Variants in SPDYE5 observed in about 807,000 individuals in gnomAD.
The protein encoded by SPDYE5 is speedy/RINGO cell cycle regulator family member E5.
A neutral mutation model predicts 48.5 loss-of-function variants in SPDYE5; 15 were observed. The ratio of observed to expected loss-of-function variants is 0.31; its 90% CI spans 0.21 to 0.48. The LOEUF (loss-of-function observed/expected upper bound fraction) is 0.48, where lower values mean the gene tolerates loss of function less well. SPDYE5 is among the 20% of genes least tolerant of loss of function. The pLI, the probability that SPDYE5 is intolerant of heterozygous loss-of-function variation, is 0.99. For synonymous variants in SPDYE5, 116 were observed against 200.7 expected (o/e 0.58, Z 3.57); for missense variants, 331 against 549.1 (o/e 0.60, Z 3.97).
Position 75,501,354 on chromosome 7 carries a change from G to A in SPDYE5, c.756-8G>A, listed in dbSNP as rs782454137. 3.3e-5 allele frequency: 54 copies of A among 1,612,004 alleles called. No individual in the cohort carries two copies. Among genetic ancestry groups the A allele is most frequent in the Middle Eastern group, 2.2e-4 (1 of 4,544 alleles). On this transcript the variant is annotated splice_polypyrimidine_tract_variant and splice_region_variant and intron_variant, in intron 6 of 8. Transcript: ENST00000625065. Reference sequence around the variant, plus strand: ...GCCCCTGAGCAGCAACCTGATTTCTGTCCTCAGCTACCTGGCCAATGACAT... The same window carrying A: ...GCCCCTGAGCAGCAACCTGATTTCTATCCTCAGCTACCTGGCCAATGACAT...
intron 1 of SPDYE5, among the ~76,000 whole-genome samples, 155 bp downstream of exon 1, chr7:75,492,596 C>T (rs587652862): frequency 9.0e-4 from 136 of 151,940 alleles, no homozygotes; most frequent in African/African-American, 3.1e-3. Flanking sequence ...CACCACCATG[C>T]CTGGCTAATT....
Position 75,503,272 on chromosome 7 carries a change from C to G in SPDYE5, c.*485C>G, listed in dbSNP as rs4092145. ...ACAGATTGTAACAGATAGCTTCATG[C>G]ACACTCTGCATTTTATTGGTTTGTT... On this transcript the variant is annotated 3_prime_UTR_variant, in exon 9 of 9. Coordinates refer to ENST00000625065, the MANE Select transcript of SPDYE5 (RefSeq NM_001306141.4). The G allele has an allele frequency of 2.2e-3, 585 of 263,704 alleles. 2 individuals carry two copies. The highest frequency in any genetic ancestry group is 0.013 in the African/African-American group (551 of 43,030). 16.3% of individuals were successfully genotyped at this position (263,704 alleles called of 1,614,324 possible).
intron 6 of SPDYE5, among the ~76,000 whole-genome samples, chr7:75,499,598 C>T (rs587657470): frequency 1.3e-5 from 2 of 152,078 alleles, no homozygotes; most frequent in South Asian, 2.1e-4. Context: ...CAAACCCCGT[C>T]TCTACGAAAA....
rs1445759298 is a variant in SPDYE5, at chr7:75,493,837, A to G, written c.-211A>G. The G allele has an allele frequency of 6.9e-7, 1 of 1,439,562 alleles. No homozygotes were observed. Among genetic ancestry groups the G allele is most frequent in the African/African-American group, 1.4e-5 (1 of 69,606 alleles). 89.2% of individuals were successfully genotyped at this position (1,439,562 alleles called of 1,614,324 possible). A position where few individuals can be genotyped will look rare whatever the true frequency, so the allele number is the denominator to read the frequency against. ...GACAAGAGATCAGCCTGGCAGTTAC[A>G]TGTGTTTTTTTTCAAACTGGTTGCC... On this transcript the variant is annotated 5_prime_UTR_variant, in exon 2 of 9. It removes an upstream start codon present in the reference 5' UTR. Coordinates refer to ENST00000625065, the MANE Select transcript of SPDYE5 (RefSeq NM_001306141.4).
In SPDYE5 at chr7:75,501,442, C is replaced by G. The variant is rs1437193135; in HGVS notation, c.836C>G (p.Ser279Cys). Residue 279 changes from serine to cysteine, a missense_variant, in exon 7 of 9, where the codon TCT becomes TGT. Around this residue, in one of 8 missense-constraint regions of SPDYE5, gnomAD observed 70 missense variants for 87.6 expected, o/e 0.80. Coordinates refer to ENST00000625065, the MANE Select transcript of SPDYE5 (RefSeq NM_001306141.4). ...CACTTCCTGTATGGGAAGAACCGCT[C>G]TCGCATACCCTTGCTCCGTAAGCGT... The part of the protein sequence containing the change: ...IFHFLYGKNR[S>C]RIPLLRKRWF... 1 of 1,610,750 alleles carries G rather than the reference C, an allele frequency of 6.2e-7. No individual in the cohort carries two copies. The highest frequency in any genetic ancestry group is 1.3e-5 in the African/African-American group (1 of 74,732).
chr7:75,501,720 G>A lies in SPDYE5; in HGVS notation c.1114G>A (p.Gly372Ser), dbSNP rs782030708. ...RRFQFFCSMS[G>S]RAWVSPEELE... Reference sequence around the variant, plus strand: ...GTTCCAGTTCTTCTGTTCCATGAGCGGCAGGGCTTGGGTTTCCCCGGAGGA... The same window carrying A: ...GTTCCAGTTCTTCTGTTCCATGAGCAGCAGGGCTTGGGTTTCCCCGGAGGA... Residue 372 changes from glycine (G) to serine (S), a missense_variant, in exon 7 of 9, where the codon GGC becomes AGC. Physicochemically the swap from Gly to Ser is moderately conservative, Grantham distance 56. Transcript: ENST00000625065. The A allele has an allele frequency of 6.1e-5, 99 of 1,613,114 alleles. No individual in the cohort carries two copies. The highest frequency in any genetic ancestry group is 1.0e-4 in the Admixed American group (6 of 60,008).
intron 3 of SPDYE5, among the ~76,000 whole-genome samples, chr7:75,495,602 G>T (rs1194484281): frequency 2.0e-5 from 3 of 152,256 alleles, no homozygotes; most frequent in East Asian, 1.9e-4. Flanking sequence ...TTTCGGGCCA[G>T]GTGCAGTGGC....
chr7:75,495,535 C>T (rs1182479609), intron 3 of SPDYE5, among the ~76,000 whole-genome samples, 161 bp downstream of exon 3: 6 of 152,330 alleles, frequency 3.9e-5, no homozygotes, highest in Admixed American at 2.0e-4. Context: ...ACTTAGGAGA[C>T]GATAGAGGAC....
upstream of SPDYE5, among the ~76,000 whole-genome samples, chr7:75,491,904 C>T (rs587643511): frequency 4.3e-3 from 655 of 151,732 alleles, 20 homozygotes; most frequent in Admixed American, 0.037. Context: ...TTAGTAGAGA[C>T]GGATTTAAAC....
Position 75,501,864 on chromosome 7 carries a change from G to A in SPDYE5, c.1150-14G>A, listed in dbSNP as rs782320375. 6.2e-6 allele frequency: 10 copies of A among 1,610,528 alleles called. No individual in the cohort carries two copies. The highest frequency in any genetic ancestry group is 4.3e-4 in the Middle Eastern group (2 of 4,632). ...GCGAGTCCCCGTCTTCTCAAAGGGC[G>A]TTTGTTTTTCCAGATCCAGGCTTAT... On this transcript the variant is annotated splice_polypyrimidine_tract_variant and intron_variant, in intron 7 of 8. Coordinates refer to ENST00000625065, the MANE Select transcript of SPDYE5 (RefSeq NM_001306141.4).
intron 2 of SPDYE5, among the ~76,000 whole-genome samples, chr7:75,494,606 G>C (rs1434874125): frequency 6.6e-6 from 1 of 151,670 alleles, no homozygotes; most frequent in Non-Finnish European, 1.5e-5. Flanking sequence ...AGAAATTCAG[G>C]CTGGGTGTGG....
chr7:75,494,543 G>A (rs1447337828), intron 2 of SPDYE5, among the ~76,000 whole-genome samples: 2 of 149,178 alleles, frequency 1.3e-5, no homozygotes, highest in African/African-American at 2.5e-5. Flanking sequence ...GAAAAGAAAA[G>A]AAGGGTCAGC....
Position 75,501,662 on chromosome 7 carries a change from C to A in SPDYE5, c.1056C>A (p.Asn352Lys), listed in dbSNP as rs1793162764. The A allele has an allele frequency of 6.2e-7, 1 of 1,613,600 alleles. No individual in the cohort carries two copies. Among genetic ancestry groups the A allele is most frequent in the Admixed American group, 1.7e-5 (1 of 60,006 alleles). Reference sequence around the variant, plus strand: ...CCATGAACCTGAGGGCCAGGAAGAACCGCTCTCAGATAGTCCTGTTCCAGA... The same window carrying A: ...CCATGAACCTGAGGGCCAGGAAGAAACGCTCTCAGATAGTCCTGTTCCAGA... ...GRSMNLRARK[N>K]RSQIVLFQKR... Residue 352 changes from asparagine to lysine, a missense_variant, in exon 7 of 9, where the codon AAC (asparagine) becomes AAA (lysine). Around this residue, in one of 8 missense-constraint regions of SPDYE5, gnomAD observed 101 missense variants for 104.0 expected, o/e 0.97. Coordinates refer to ENST00000625065, the MANE Select transcript of SPDYE5 (RefSeq NM_001306141.4).
chr7:75,496,481 G>A (rs3973259), intron 3 of SPDYE5, among the ~76,000 whole-genome samples, 193 bp from the exon 4 acceptor site: 1 of 137,874 alleles, frequency 7.3e-6, no homozygotes. Flanking sequence ...TGAGGACAGA[G>A]AAACGGGAGA....
intron 5 of SPDYE5, among the ~76,000 whole-genome samples, chr7:75,498,349 C>G (rs1554482938): frequency 6.6e-6 from 1 of 151,904 alleles, no homozygotes. Flanking sequence ...GTCCTGAACA[C>G]CTGACCTCAG....
chr7:75,494,434 C>G (rs1273091403), intron 2 of SPDYE5, among the ~76,000 whole-genome samples: 1 of 150,246 alleles, frequency 6.7e-6, no homozygotes, highest in Non-Finnish European at 1.5e-5. Context: ...GTAATCCCAG[C>G]TACTCAGGAG....
intron 1 of SPDYE5, among the ~76,000 whole-genome samples, chr7:75,492,741 G>A (rs1241572197): frequency 6.6e-6 from 1 of 150,678 alleles, no homozygotes. Context: ...GCCCAGCCGG[G>A]AACCCACAGG....
chr7:75,502,394 T>C (rs1331993199), intron 8 of SPDYE5, among the ~76,000 whole-genome samples: 1 of 152,262 alleles, frequency 6.6e-6, no homozygotes, highest in Non-Finnish European at 1.5e-5. Context: ...GCACAGAGCA[T>C]AAGACTTCAT....
intron 8 of SPDYE5, 150 bp downstream of exon 8, chr7:75,502,132 A>G (rs1249347973): frequency 8.7e-7 from 1 of 1,151,756 alleles, no homozygotes; most frequent in Admixed American, 2.6e-5. Flanking sequence ...GCGATGTGGG[A>G]GGCATCTCTA....
Sources: gnomAD v4.1 joint callset for allele counts (sites outside exome capture counted in the v4.1 genomes callset) on GRCh38, gnomAD v4.1.1 for gene constraint, gnomAD v4.1.1 regional missense constraint, MANE v1.5 for transcripts, NCBI Gene and HGNC (gene_info 2026-07-23, HGNC 2026-07-21) for gene names.